The following DNAI7 variants were observed in gnomAD, a reference collection of about 807,000 sequenced individuals.
DNAI7 encodes the protein cancer susceptibility 1.
A neutral mutation model predicts 86.6 loss-of-function variants in DNAI7; 78 were observed. The observed-to-expected ratio is 0.90, with a 90% CI of 0.75 to 1.09. The LOEUF is 1.09. Ranked by LOEUF, DNAI7 falls within the 50% of genes least tolerant of loss-of-function variation. DNAI7 has a pLI of 0.00. For missense variants in DNAI7, 753 were observed against 810.2 expected (o/e 0.93, Z 0.86); for synonymous variants, 274 against 273.0 (o/e 1.00, Z -0.04).
downstream of DNAI7, chr12:25,108,216 C>A: frequency 2.6e-6 from 2 of 783,506 alleles, no homozygotes; most frequent in South Asian, 2.1e-5. Flanking sequence ...CCTTTATCTC[C>A]CCAACTAAAA....
At chr12:25,117,204 G>A (rs1411658433) in intron 12 of DNAI7, among the ~76,000 whole-genome samples, 1 of 152,094 alleles carries the variant, frequency 6.6e-6, no homozygotes, top group Non-Finnish European at 1.5e-5. Context: ...AAAGTGCTGG[G>A]ATTACAGGCA....
intron 1 of DNAI7, 32 bp from the exon 2 acceptor site, chr12:25,190,663 T>C: frequency 7.6e-7 from 1 of 1,309,710 alleles, no homozygotes; most frequent in East Asian, 2.5e-5. Context: ...AATTGATCAA[T>C]TTTAAAGACA....
chr12:25,190,158 T>C (rs187671238), intron 2 of DNAI7, among the ~76,000 whole-genome samples: 7 of 152,296 alleles, frequency 4.6e-5, no homozygotes, highest in Admixed American at 3.9e-4. Context: ...ACATTGTTTA[T>C]TGAACTCAAA....
In DNAI7 at chr12:25,158,510, G is replaced by T. The variant is rs546158870; in HGVS notation, c.160C>A (p.Arg54=). 1.2e-6 allele frequency: 2 copies of T among 1,612,704 alleles called. No homozygotes were observed. The highest frequency in any genetic ancestry group is 1.7e-5 in the Admixed American group (1 of 59,952). Residue 54 remains arginine, a synonymous_variant, in exon 4 of 16, where the codon CGA becomes AGA. Coordinates refer to ENST00000395987, the MANE Select transcript of DNAI7 (RefSeq NM_018272.5). Reference sequence around the variant, plus strand: ...CGATGCCATTTTTCTTTCTCAATTCGCTGTATTTCAAGCCTTTCCATTTCT... The same window carrying T: ...CGATGCCATTTTTCTTTCTCAATTCTCTGTATTTCAAGCCTTTCCATTTCT... ...KEEMERLEIQ[R]IEKEKWHRLE...
chr12:25,123,018 G>C (rs1417823165), intron 10 of DNAI7, among the ~76,000 whole-genome samples, 193 bp downstream of exon 10: 3 of 152,134 alleles, frequency 2.0e-5, no homozygotes, highest in African/African-American at 7.2e-5. Context: ...GGTTTTATTA[G>C]AAATTAAGAG....
chr12:25,183,581 T>G, intron 2 of DNAI7, among the ~76,000 whole-genome samples: 1 of 151,504 alleles, frequency 6.6e-6, no homozygotes, highest in Admixed American at 6.6e-5. Context: ...CACTTCCAAC[T>G]TTTCTGTATT....
At chr12:25,143,093 T>A (rs1266413673) in intron 9 of DNAI7, among the ~76,000 whole-genome samples, 1 of 152,190 alleles carries the variant, frequency 6.6e-6, no homozygotes. Context: ...ATTTCCCTCC[T>A]CTCTAAAATA....
chr12:25,124,616 A>C (rs1429782706), intron 9 of DNAI7, among the ~76,000 whole-genome samples: 5 of 151,696 alleles, frequency 3.3e-5, no homozygotes, highest in Non-Finnish European at 7.4e-5. Flanking sequence ...TTTGAACTAA[A>C]TTTTTTTTTA....
chr12:25,193,712 T>A (rs1297354392), intron 1 of DNAI7, among the ~76,000 whole-genome samples: 1 of 152,194 alleles, frequency 6.6e-6, no homozygotes, highest in African/African-American at 2.4e-5. Context: ...AGGTAACAAA[T>A]TGGAAGGTAA....
At chr12:25,118,261 C>G (rs1940573891) in intron 12 of DNAI7, among the ~76,000 whole-genome samples, 1 of 150,358 alleles carries the variant, frequency 6.7e-6, no homozygotes, top group Non-Finnish European at 1.5e-5. Flanking sequence ...TCATTTTTGC[C>G]TGTTTGTTTT....
At chr12:25,183,590 T>C (rs1001025130) in intron 2 of DNAI7, among the ~76,000 whole-genome samples, 3 of 150,180 alleles carry the variant, frequency 2.0e-5, no homozygotes, top group African/African-American at 4.8e-5. Flanking sequence ...CTTTTCTGTA[T>C]TTAAATTTTT....
intron 2 of DNAI7, among the ~76,000 whole-genome samples, chr12:25,179,532 G>T (rs1277196267): frequency 6.6e-6 from 1 of 151,974 alleles, no homozygotes; most frequent in African/African-American, 2.4e-5. Context: ...TTTGTGCATT[G>T]TATATTTCAA....
chr12:25,149,721 T>G lies in DNAI7; in HGVS notation c.492A>C (p.Gln164His), dbSNP rs752848912. The G allele has an allele frequency of 3.2e-6, 5 of 1,566,962 alleles. No individual in the cohort carries two copies. The Admixed American group carries it at 8.4e-5, about 26-fold the overall frequency. The change falls in exon 7 of 16, where the codon CAA becomes CAC. Residue 164 changes from glutamine to histidine, a missense_variant. Physicochemically the swap from Gln to His is conservative, Grantham distance 24 (BLOSUM62 0). Transcript: ENST00000395987. ...CTTGGTACTGTATTATATTTTTATC[T>G]TGCAAATCACATGGTGGAGTTTCCA... ...ILLETPPCDL[Q>H]DKNIIQYQES...
chr12:25,146,322 C>T (rs540946954), intron 8 of DNAI7, among the ~76,000 whole-genome samples: 2 of 151,414 alleles, frequency 1.3e-5, no homozygotes, highest in East Asian at 1.9e-4. Context: ...ATTAGCTGGG[C>T]GCAGTGGCTC....
chr12:25,168,802 T>G (rs1947793143), intron 2 of DNAI7, among the ~76,000 whole-genome samples: 2 of 152,150 alleles, frequency 1.3e-5, no homozygotes, highest in South Asian at 2.1e-4. Flanking sequence ...TTAATACCTG[T>G]TTTTCTCCTT....
intron 7 of DNAI7, 108 bp downstream of exon 7, chr12:25,149,519 AC>A: frequency 1.3e-6 from 1 of 759,790 alleles, no homozygotes; most frequent in Non-Finnish European, 2.1e-6. Flanking sequence ...TATTCTGCTA[AC>A]TTTTCCATAA....
intron 2 of DNAI7, among the ~76,000 whole-genome samples, chr12:25,162,555 T>C (rs1370267090): frequency 6.6e-6 from 1 of 152,178 alleles, no homozygotes; most frequent in Non-Finnish European, 1.5e-5. Flanking sequence ...GAGTGGTTAA[T>C]TCTTGGGATG....
chr12:25,164,626 G>A (rs569685398), intron 2 of DNAI7, among the ~76,000 whole-genome samples: 3 of 152,108 alleles, frequency 2.0e-5, no homozygotes, highest in South Asian at 2.1e-4. Flanking sequence ...ATAGGCAAAC[G>A]GTCTGAGGTG....
In DNAI7 at chr12:25,126,780, G is replaced by C. The variant is rs868631228; in HGVS notation, c.1003-3494C>G. ...AACCAAGTTGCATTTATTTCTTTCAGGGAGGATTATGATCAATAAAAATAC... is the reference window on the plus strand; with the variant it reads ...AACCAAGTTGCATTTATTTCTTTCACGGAGGATTATGATCAATAAAAATAC... On this transcript the variant is annotated intron_variant, in intron 9 of 15. Transcript: ENST00000395987. Among the ~76,000 whole-genome samples, 11 of 152,132 alleles carry C rather than the reference G, an allele frequency of 7.2e-5. No individual in the cohort carries two copies. In the South Asian group the frequency reaches 1.2e-3, roughly 17 times the overall value.
Sources: allele counts gnomAD v4.1 joint callset (sites outside exome capture counted in the v4.1 genomes callset), GRCh38; gene constraint gnomAD v4.1.1; transcripts MANE v1.5; gene names NCBI Gene and HGNC (gene_info 2026-07-23, HGNC 2026-07-21).